The following FAM13A variants were observed in gnomAD, a reference collection of about 807,000 sequenced individuals.
FAM13A encodes family with sequence similarity 13 member A.
In FAM13A, 76 loss-of-function variants were observed where a neutral mutation model predicts 129.6. The observed-to-expected ratio is 0.59, with a 90% CI of 0.49 to 0.71. The LOEUF (loss-of-function observed/expected upper bound fraction) is 0.71. Among genes scored for constraint, FAM13A ranks in the 30% least tolerant of loss-of-function variants. The pLI, the probability that FAM13A is intolerant of heterozygous loss-of-function variation, is 0.00. For synonymous variants in FAM13A, 443 were observed against 449.9 expected (o/e 0.98, Z 0.20); for missense variants, 1,108 against 1,249.3 (o/e 0.89, Z 1.70).
At chr4:88,942,023 C>T (rs1754843082) in intron 4 of FAM13A, among the ~76,000 whole-genome samples, 1 of 152,032 alleles carries the variant, frequency 6.6e-6, no homozygotes, top group African/African-American at 2.4e-5. Flanking sequence ...AAATGAGATC[C>T]CTAATTTCTA....
intron 6 of FAM13A, among the ~76,000 whole-genome samples, chr4:88,861,339 C>T (rs1056747235): frequency 2.7e-5 from 4 of 149,100 alleles, no homozygotes; most frequent in African/African-American, 1.0e-4. Context: ...CAAGATCATG[C>T]CACTGCACTC....
intron 6 of FAM13A, among the ~76,000 whole-genome samples, chr4:88,861,380 CA>C (rs373411738): frequency 0.025 from 2,132 of 83,862 alleles, 26 homozygotes; most frequent in African/African-American, 0.074. Context: ...GACTCCGTCT[CA>C]AAAAAAAAAA....
At chr4:88,772,057 C>T (rs944559997) in intron 11 of FAM13A, among the ~76,000 whole-genome samples, 1 of 152,066 alleles carries the variant, frequency 6.6e-6, no homozygotes, top group Non-Finnish European at 1.5e-5. Context: ...ACCCTTGGAA[C>T]AAAAACAAAT....
At chr4:88,874,302 A>G (rs1447081425) in intron 6 of FAM13A, among the ~76,000 whole-genome samples, 4 of 152,194 alleles carry the variant, frequency 2.6e-5, no homozygotes, top group Non-Finnish European at 5.9e-5. Context: ...AAATCAGGCA[A>G]GAGAAAAAAA....
At chr4:88,774,828 G>A (rs13105579) in intron 11 of FAM13A, among the ~76,000 whole-genome samples, 98,936 of 151,932 alleles carry the variant, frequency 0.65, 34,136 homozygotes, top group Non-Finnish European at 0.79. Flanking sequence ...TGAAGAAAAG[G>A]AAAGGACTTG....
At chr4:88,936,022 G>A (rs1753796105) in intron 5 of FAM13A, among the ~76,000 whole-genome samples, 1 of 152,106 alleles carries the variant, frequency 6.6e-6, no homozygotes, top group Non-Finnish European at 1.5e-5. Context: ...CCTCTAGGCC[G>A]ATCTGAAACT....
chr4:88,865,153 T>A (rs1561196752), intron 6 of FAM13A, among the ~76,000 whole-genome samples: 2 of 152,216 alleles, frequency 1.3e-5, no homozygotes, highest in Non-Finnish European at 2.9e-5. Context: ...TTTGAAAATT[T>A]ATTTTTCCTA....
intron 7 of FAM13A, among the ~76,000 whole-genome samples, chr4:88,815,869 T>C (rs1024567488): frequency 6.6e-6 from 1 of 152,016 alleles, no homozygotes; most frequent in Non-Finnish European, 1.5e-5. Context: ...CATTGACAGA[T>C]GTATGTTTAT....
intron 7 of FAM13A, among the ~76,000 whole-genome samples, chr4:88,832,500 C>T (rs1307912850): frequency 6.6e-6 from 1 of 152,046 alleles, no homozygotes; most frequent in Non-Finnish European, 1.5e-5. Context: ...TGACAAAGGT[C>T]TAATATTGAG....
intron 6 of FAM13A, among the ~76,000 whole-genome samples, chr4:88,880,079 T>C (rs372335968): frequency 6.6e-6 from 1 of 152,108 alleles, no homozygotes; most frequent in South Asian, 2.1e-4. Flanking sequence ...ACTGAAAATA[T>C]AAAATCCAAG....
chr4:88,923,046 T>G (rs1280599960), intron 5 of FAM13A, among the ~76,000 whole-genome samples: 1 of 152,052 alleles, frequency 6.6e-6, no homozygotes, highest in Admixed American at 6.6e-5. Flanking sequence ...TCTGAAATTG[T>G]GGCAATAATC....
At chr4:89,031,039 T>A (rs1579852573) in intron 1 of FAM13A, among the ~76,000 whole-genome samples, 2 of 152,130 alleles carry the variant, frequency 1.3e-5, no homozygotes, top group South Asian at 2.1e-4. Flanking sequence ...TATAAATAAG[T>A]CATGGGGTAG....
At chr4:88,757,988 T>C (rs972489426) in intron 14 of FAM13A, among the ~76,000 whole-genome samples, 14 of 152,182 alleles carry the variant, frequency 9.2e-5, no homozygotes, top group Admixed American at 3.9e-4. Flanking sequence ...ACGCACATAC[T>C]GTATAGAGGT....
intron 3 of FAM13A, among the ~76,000 whole-genome samples, chr4:88,992,184 AGTC>A: frequency 6.6e-6 from 1 of 152,226 alleles, no homozygotes; most frequent in Admixed American, 6.5e-5. Context: ...CAAATGCAGT[AGTC>A]CCTCTAGCTA....
chr4:89,019,374 TA>T, intron 3 of FAM13A, among the ~76,000 whole-genome samples: 1 of 152,186 alleles, frequency 6.6e-6, no homozygotes, highest in East Asian at 1.9e-4. Context: ...GGAAAAATAA[TA>T]AAATAAATGG....
At chr4:88,851,815 C>T (rs1361164178) in intron 6 of FAM13A, among the ~76,000 whole-genome samples, 2 of 152,130 alleles carry the variant, frequency 1.3e-5, no homozygotes, top group Non-Finnish European at 2.9e-5. Context: ...CCCGGGGGTA[C>T]TGACTTCTCA....
intron 14 of FAM13A, among the ~76,000 whole-genome samples, chr4:88,751,463 G>C (rs192977831): frequency 2.3e-3 from 346 of 152,228 alleles, no homozygotes; most frequent in African/African-American, 7.8e-3. Flanking sequence ...GTTGGGATTA[G>C]CACATTTAAG....
chr4:88,790,745 A>G, intron 8 of FAM13A, 118 bp from the exon 9 acceptor site: 1 of 760,788 alleles, frequency 1.3e-6, no homozygotes. Flanking sequence ...TGATCCCCAA[A>G]ACAATGTTTA....
At chr4:88,916,036 A>C (rs537735988) in intron 5 of FAM13A, among the ~76,000 whole-genome samples, 20 of 152,164 alleles carry the variant, frequency 1.3e-4, no homozygotes, top group South Asian at 1.0e-3. Context: ...TTATCTTTAT[A>C]AATTAAAAAA....
Sources: allele counts gnomAD v4.1 joint callset (sites outside exome capture counted in the v4.1 genomes callset), GRCh38; gene constraint gnomAD v4.1.1; transcripts MANE v1.5; gene names NCBI Gene and HGNC (gene_info 2026-07-23, HGNC 2026-07-21).